Variants in ZNF362 observed in about 807,000 individuals in gnomAD.
The protein encoded by ZNF362 is zinc finger protein 362, also known as rotund homolog.
Under a neutral mutation model 42.9 loss-of-function variants are expected in ZNF362, and 11 were observed. The ratio of observed to expected loss-of-function variants is 0.26; its 90% CI spans 0.16 to 0.42. The LOEUF (loss-of-function observed/expected upper bound fraction) is 0.42, where lower values mean the gene tolerates loss of function less well. ZNF362 is among the 20% of genes least tolerant of loss of function. The probability of loss-of-function intolerance (pLI) is 1.00; values close to 1 mark genes in which losing one functional copy is unlikely to be tolerated. For synonymous variants in ZNF362, 255 were observed against 257.3 expected (o/e 0.99, Z 0.09); for missense variants, 362 against 576.2 (o/e 0.63, Z 3.81).
chr1:33,279,563 G>T (rs537231665), intron 4 of ZNF362, among the ~76,000 whole-genome samples: 41 of 149,932 alleles, frequency 2.7e-4, no homozygotes, highest in African/African-American at 9.8e-4. Flanking sequence ...TATGTTTCTA[G>T]TCCTATCATT....
the ZNF362 span, among the ~76,000 whole-genome samples, chr1:33,199,375 TA>T: frequency 6.6e-6 from 1 of 152,108 alleles, no homozygotes; most frequent in Non-Finnish European, 1.5e-5. Context: ...ACAACATCTT[TA>T]AAGTACTGAA....
chr1:33,272,806 T>A (rs998781471), intron 2 of ZNF362, among the ~76,000 whole-genome samples: 2 of 152,220 alleles, frequency 1.3e-5, no homozygotes, highest in Non-Finnish European at 2.9e-5. Context: ...GCCCTGTGTC[T>A]CCCCACCTCC....
intron 6 of ZNF362, among the ~76,000 whole-genome samples, chr1:33,292,543 G>T (rs1029852427): frequency 1.3e-5 from 2 of 152,046 alleles, no homozygotes; most frequent in Non-Finnish European, 2.9e-5. Flanking sequence ...TTTTTGTTGT[G>T]TCTCTGCCAG....
the ZNF362 span, among the ~76,000 whole-genome samples, chr1:33,193,469 T>G: frequency 6.6e-6 from 1 of 152,126 alleles, no homozygotes. Flanking sequence ...GTAAAAAACA[T>G]TACAAAGTAT....
chr1:33,197,322 C>A, the ZNF362 span, among the ~76,000 whole-genome samples: 3 of 152,272 alleles, frequency 2.0e-5, 1 homozygote, highest in South Asian at 6.2e-4. Flanking sequence ...GCCTTGTAAT[C>A]GTGTGAGCCA....
the ZNF362 span, among the ~76,000 whole-genome samples, chr1:33,140,876 T>G: frequency 6.6e-6 from 1 of 152,174 alleles, no homozygotes; most frequent in African/African-American, 2.4e-5. The surrounding 1 kb of genome is among the most constrained non-coding windows in gnomAD (Gnocchi z 4.0). Flanking sequence ...CTCTCTCCCC[T>G]TCTCCTTCTG....
At chr1:33,169,690 C>T in the ZNF362 span, among the ~76,000 whole-genome samples, 3 of 152,290 alleles carry the variant, frequency 2.0e-5, no homozygotes, top group Middle Eastern at 3.4e-3. Flanking sequence ...ATACGACACA[C>T]GTGGCTATTT....
At chr1:33,285,822 G>C (rs1646028334) in intron 6 of ZNF362, among the ~76,000 whole-genome samples, 1 of 152,208 alleles carries the variant, frequency 6.6e-6, no homozygotes. Context: ...CAGCACTTTG[G>C]GAGGCCAAGG....
the ZNF362 span, among the ~76,000 whole-genome samples, chr1:33,224,175 G>A: frequency 1.3e-5 from 2 of 152,256 alleles, no homozygotes; most frequent in Middle Eastern, 3.4e-3. Context: ...CCAGATATTG[G>A]CACTGACTTT....
chr1:33,288,475 A>G (rs532062189), intron 6 of ZNF362, among the ~76,000 whole-genome samples: 2 of 152,222 alleles, frequency 1.3e-5, no homozygotes, highest in South Asian at 4.1e-4. Context: ...GTGGTGGCTC[A>G]TTCCTGTAAT....
the ZNF362 span, among the ~76,000 whole-genome samples, chr1:33,220,700 T>A: frequency 6.6e-6 from 1 of 151,984 alleles, no homozygotes; most frequent in African/African-American, 2.4e-5. Flanking sequence ...CTTGGGTGAG[T>A]TCCTTTTGCT....
At chr1:33,286,721 C>CA (rs1239322973) in intron 6 of ZNF362, among the ~76,000 whole-genome samples, 7 of 152,298 alleles carry the variant, frequency 4.6e-5, no homozygotes, top group African/African-American at 1.4e-4. Context: ...CAAACAAAGC[C>CA]AAAGCTGAAG....
chr1:33,131,549 G>A, the ZNF362 span, among the ~76,000 whole-genome samples: 1 of 152,072 alleles, frequency 6.6e-6, no homozygotes, highest in Non-Finnish European at 1.5e-5. Context: ...GATTGTAAAC[G>A]ATTTCAATAA....
At chr1:33,189,041 G>T in the ZNF362 span, among the ~76,000 whole-genome samples, 1 of 152,276 alleles carries the variant, frequency 6.6e-6, no homozygotes, top group Admixed American at 6.5e-5. Flanking sequence ...CCTGACCTCA[G>T]GCCACGACTC....
intron 2 of ZNF362, among the ~76,000 whole-genome samples, chr1:33,272,329 G>A (rs1209507127): frequency 2.6e-5 from 4 of 152,114 alleles, no homozygotes; most frequent in Non-Finnish European, 2.9e-5. Context: ...CTCGGGGAGG[G>A]CAGAGTTCTT....
the ZNF362 span, among the ~76,000 whole-genome samples, chr1:33,236,576 T>TATATATATATATATAC: frequency 9.2e-5 from 9 of 97,894 alleles, no homozygotes; most frequent in East Asian, 2.7e-3. Flanking sequence ...TATATATACA[T>TATATATATATATATAC]ACACACACAC....
At chr1:33,156,221 T>C in the ZNF362 span, among the ~76,000 whole-genome samples, 1 of 152,220 alleles carries the variant, frequency 6.6e-6, no homozygotes, top group Non-Finnish European at 1.5e-5. Flanking sequence ...CTCACAGATA[T>C]GCTGTATTTC....
the ZNF362 span, among the ~76,000 whole-genome samples, chr1:33,217,623 A>G: frequency 6.6e-6 from 1 of 152,318 alleles, no homozygotes; most frequent in South Asian, 2.1e-4. Context: ...AAACAACTTT[A>G]TTGTTTTCAT....
At chr1:33,173,622 C>A in the ZNF362 span, among the ~76,000 whole-genome samples, 23 of 151,916 alleles carry the variant, frequency 1.5e-4, no homozygotes, top group African/African-American at 4.8e-4. Flanking sequence ...AACCTGAGTT[C>A]AAGTTTCAGC....
Sources: allele counts gnomAD v4.1 joint callset (sites outside exome capture counted in the v4.1 genomes callset), GRCh38; gene constraint gnomAD v4.1.1; non-coding constraint Gnocchi (gnomAD v3.1); transcripts MANE v1.5; gene names NCBI Gene and HGNC (gene_info 2026-07-23, HGNC 2026-07-21).